The following ZBED6 variants were observed in gnomAD, a reference collection of about 807,000 sequenced individuals.
ZBED6 encodes zinc finger BED-type containing 6, also known as zinc finger BED domain-containing protein 6.
In ZBED6, 40 loss-of-function variants were observed where a neutral mutation model predicts 58.4. That is an observed-to-expected ratio of 0.68 (90% confidence interval 0.53 to 0.89). The LOEUF (loss-of-function observed/expected upper bound fraction) is 0.89. Among genes scored for constraint, ZBED6 ranks in the 40% least tolerant of loss-of-function variants. The pLI is 0.00. For missense variants in ZBED6, 1,057 were observed against 1,003.9 expected, an observed-to-expected ratio of 1.05 and a Z score of -0.71; for synonymous variants, 439 against 350.6, an observed-to-expected ratio of 1.25 and a Z score of -2.82.
chr1:203,848,924 G>T (rs1688618512), intron 13 of ZBED6, among the ~76,000 whole-genome samples: 1 of 151,930 alleles, frequency 6.6e-6, no homozygotes, highest in African/African-American at 2.4e-5. Flanking sequence ...TTGCTCTGTT[G>T]CCCAGGCTGG....
intron 1 of ZBED6, among the ~76,000 whole-genome samples, chr1:203,813,633 T>G (rs1675252308): frequency 6.6e-6 from 1 of 152,130 alleles, no homozygotes; most frequent in Non-Finnish European, 1.5e-5. Context: ...GCTACAGAAG[T>G]TTGTTGTCTC....
At chr1:203,820,468 A>ATGTGTGTGTG (rs71145033) in intron 3 of ZBED6, among the ~76,000 whole-genome samples, 1 of 150,384 alleles carries the variant, frequency 6.6e-6, no homozygotes, top group Non-Finnish European at 1.5e-5. Context: ...ATCACAAATT[A>ATGTGTGTGTG]TGTGTGTGTG....
intron 4 of ZBED6, 88 bp from the exon 5 acceptor site, chr1:203,829,363 A>G (rs1681537705): frequency 3.1e-6 from 4 of 1,305,068 alleles, no homozygotes; most frequent in Non-Finnish European, 4.4e-6. Context: ...AGACAAATAC[A>G]CTATAGTTTT....
chr1:203,853,449 GTTTTC>G (rs1405562687), exon 17 of ZBED6: 3 of 152,536 alleles, frequency 2.0e-5, no homozygotes, highest in South Asian at 2.1e-4. Context: ...TCTGAATTGA[GTTTTC>G]TTTTCTTGAT....
At chr1:203,820,032 C>CGAGATCAGGAGTTT (rs1677983301) in intron 3 of ZBED6, among the ~76,000 whole-genome samples, 1 of 151,044 alleles carries the variant, frequency 6.6e-6, no homozygotes, top group African/African-American at 2.4e-5. Context: ...ATCAGGAGTT[C>CGAGATCAGGAGTTT]GAGACCAGCC....
At chr1:203,837,431 T>G (rs1337013953) in intron 9 of ZBED6, among the ~76,000 whole-genome samples, 2 of 152,026 alleles carry the variant, frequency 1.3e-5, no homozygotes, top group Non-Finnish European at 2.9e-5. Flanking sequence ...GTATTCTAAT[T>G]TTTTGTTCTT....
In ZBED6 at chr1:203,820,988, T is replaced by C. The variant is rs548008162; in HGVS notation, c.*2873+2299T>C. On this transcript the variant is annotated intron_variant, in intron 3 of 16. Coordinates refer to ENST00000550078, the Ensembl canonical transcript of ZBED6. ...CAGACTTCAACTTTTTCCCCGTTAT[T>C]GATGTGAATTAATGCAAACTTGTGG... is the stretch of plus-strand genomic sequence containing the variant. Among the ~76,000 whole-genome samples, 150 of 152,292 alleles carry C rather than the reference T, an allele frequency of 9.8e-4. 1 individual carries two copies. The highest frequency in any genetic ancestry group is 3.5e-3 in the African/African-American group (146 of 41,574).
intron 3 of ZBED6, among the ~76,000 whole-genome samples, 156 bp from the exon 4 acceptor site, chr1:203,828,143 G>A (rs1681167262): frequency 6.6e-6 from 1 of 152,170 alleles, no homozygotes; most frequent in Non-Finnish European, 1.5e-5. Flanking sequence ...CCTAAGTTAT[G>A]TTATTTTCAG....
chr1:203,848,790 A>G (rs1688576548), intron 13 of ZBED6, among the ~76,000 whole-genome samples: 1 of 152,130 alleles, frequency 6.6e-6, no homozygotes. Flanking sequence ...GTTTTTTCTA[A>G]TGCTATGCAT....
intron 11 of ZBED6, among the ~76,000 whole-genome samples, chr1:203,846,956 G>A (rs1688068675): frequency 6.6e-6 from 1 of 151,338 alleles, no homozygotes; most frequent in Non-Finnish European, 1.5e-5. Context: ...AGTGAGCTGA[G>A]ATTATACCAC....
At chr1:203,842,026 C>A (rs1176616263) in intron 11 of ZBED6, among the ~76,000 whole-genome samples, 3 of 151,506 alleles carry the variant, frequency 2.0e-5, no homozygotes, top group South Asian at 4.2e-4. Flanking sequence ...AGGCGCTCCC[C>A]ACATCTCAGA....
chr1:203,849,637 T>G, intron 13 of ZBED6, 74 bp from the exon 14 acceptor site: 1 of 1,410,882 alleles, frequency 7.1e-7, no homozygotes, highest in Non-Finnish European at 9.8e-7. Flanking sequence ...AACTTAGATG[T>G]TAGCCTGGTA....
chr1:203,830,310 T>C, intron 7 of ZBED6, 107 bp downstream of exon 7: 5 of 865,376 alleles, frequency 5.8e-6, no homozygotes, highest in Non-Finnish European at 9.1e-6. Context: ...TTCATTTCCA[T>C]GGCCTGTTTG....
At chr1:203,802,294 G>C (rs1670763193) in exon 1 of ZBED6, 1 of 152,498 alleles carries the variant, frequency 6.6e-6, no homozygotes, top group Non-Finnish European at 1.5e-5. Context: ...AAAATTTAGT[G>C]TAACAATAAC....
At chr1:203,830,870 A>G (rs981914031) in intron 7 of ZBED6, among the ~76,000 whole-genome samples, 2 of 145,906 alleles carry the variant, frequency 1.4e-5, no homozygotes, top group African/African-American at 5.1e-5. Flanking sequence ...AAGAGCTGCT[A>G]GGATTTTCTT....
exon 8 of ZBED6, chr1:203,831,685 T>C: frequency 6.2e-7 from 1 of 1,612,816 alleles, no homozygotes; most frequent in African/African-American, 1.3e-5. Flanking sequence ...GTTTCCAGTC[T>C]TTTACTCCAC....
intron 9 of ZBED6, 97 bp downstream of exon 9, chr1:203,833,950 G>T: frequency 6.9e-7 from 1 of 1,459,570 alleles, no homozygotes; most frequent in Admixed American, 2.3e-5. Flanking sequence ...TTTGTTATTG[G>T]TGCCCCTGTA....
chr1:203,825,076 CAAAAA>C (rs61108073), intron 3 of ZBED6, among the ~76,000 whole-genome samples: 1 of 108,986 alleles, frequency 9.2e-6, no homozygotes, highest in East Asian at 2.6e-4. Context: ...GACTCCGTCT[CAAAAA>C]AAAAAAAAAA....
chr1:203,823,302 C>T (rs1679385761), intron 3 of ZBED6, among the ~76,000 whole-genome samples: 1 of 152,168 alleles, frequency 6.6e-6, no homozygotes, highest in African/African-American at 2.4e-5. Flanking sequence ...TTTATGCCCA[C>T]TCCCTTTAGG....
Sources: gnomAD v4.1 joint callset for allele counts (sites outside exome capture counted in the v4.1 genomes callset) on GRCh38, gnomAD v4.1.1 for gene constraint, MANE v1.5 for transcripts, NCBI Gene and HGNC (gene_info 2026-07-23, HGNC 2026-07-21) for gene names.